Variants in AKAP6 observed in about 807,000 individuals in gnomAD.
AKAP6 encodes the protein A-kinase anchor protein 6.
In AKAP6, 58 loss-of-function variants were observed where a neutral mutation model predicts 188.5. The ratio of observed to expected loss-of-function variants is 0.31; its 90% CI spans 0.25 to 0.38. The LOEUF is 0.38. AKAP6 is among the 10% of genes least tolerant of loss of function. AKAP6 has a pLI of 1.00. For missense variants in AKAP6, 2,710 were observed against 2,740.0 expected, an observed-to-expected ratio of 0.99 and a Z score of 0.24; for synonymous variants, 989 against 998.6, an observed-to-expected ratio of 0.99 and a Z score of 0.18.
intron 2 of AKAP6, among the ~76,000 whole-genome samples, chr14:32,477,795 G>C (rs917904584): frequency 6.6e-6 from 1 of 152,140 alleles, no homozygotes; most frequent in Non-Finnish European, 1.5e-5. Flanking sequence ...CCAACTGTCT[G>C]GGTTCAGATT....
At chr14:32,448,108 T>C (rs1481140653) in intron 2 of AKAP6, among the ~76,000 whole-genome samples, 1 of 152,226 alleles carries the variant, frequency 6.6e-6, no homozygotes. Flanking sequence ...CAGTGGCAGC[T>C]TCTCTTTGTT....
At chr14:32,669,335 T>C (rs1889080429) in intron 7 of AKAP6, among the ~76,000 whole-genome samples, 1 of 152,202 alleles carries the variant, frequency 6.6e-6, no homozygotes, top group African/African-American at 2.4e-5. Context: ...CAACATGAGA[T>C]TCTCATTCAT....
At chr14:32,698,407 C>G (rs977095451) in intron 9 of AKAP6, among the ~76,000 whole-genome samples, 4 of 152,098 alleles carry the variant, frequency 2.6e-5, no homozygotes. Flanking sequence ...GTGCCCAGGC[C>G]TTGCCAGGTT....
chr14:32,382,405 T>A (rs756725385), intron 1 of AKAP6, among the ~76,000 whole-genome samples: 6 of 152,202 alleles, frequency 3.9e-5, no homozygotes, highest in Non-Finnish European at 7.3e-5. Context: ...ACACTGTCTT[T>A]GAGGCTTAGT....
intron 4 of AKAP6, among the ~76,000 whole-genome samples, chr14:32,574,904 T>A (rs1594754707): frequency 6.6e-6 from 1 of 152,262 alleles, no homozygotes; most frequent in Non-Finnish European, 1.5e-5. Context: ...ATTTTAATTA[T>A]GAGAGTATCG....
chr14:32,334,469 C>T (rs1179984399), intron 1 of AKAP6, among the ~76,000 whole-genome samples: 1 of 152,132 alleles, frequency 6.6e-6, no homozygotes, highest in African/African-American at 2.4e-5. Context: ...CTTTATTTTA[C>T]TTAATAATGA....
chr14:32,673,123 G>C (rs74041660), intron 7 of AKAP6, among the ~76,000 whole-genome samples: 5 of 152,276 alleles, frequency 3.3e-5, no homozygotes, highest in South Asian at 4.1e-4. Context: ...GAGTTACTCT[G>C]TCTATGAAGA....
At position 32,735,703 on chromosome 14, in the gene AKAP6, G is replaced by A; in HGVS notation, c.3193G>A (p.Gly1065Arg). The change falls in exon 11 of 14, where the codon GGG becomes AGG. Residue 1065 changes from glycine to arginine, a missense_variant. By Grantham distance (125) the Gly-to-Arg change is moderately radical. Coordinates refer to ENST00000280979, the MANE Select transcript of AKAP6 (RefSeq NM_004274.5). The stretch of plus-strand genomic sequence containing the variant: ...CCAGGACACAATGGCAGGGCACAGT[G>A]GGTCGAGTCCACGTGACCTGCTCTC... ...KIQDTMAGHS[G>R]SSPRDLLSPE... 6.2e-7 allele frequency: 1 copy of A among 1,613,358 alleles called. No homozygotes were observed. The highest frequency in any genetic ancestry group is 1.1e-5 in the South Asian group (1 of 91,048).
At chr14:32,426,891 TTAAG>T (rs1338080568) in intron 1 of AKAP6, among the ~76,000 whole-genome samples, 9 of 152,154 alleles carry the variant, frequency 5.9e-5, no homozygotes, top group African/African-American at 2.2e-4. Flanking sequence ...AGATGATTGA[TTAAG>T]TGTGTTATGG....
chr14:32,828,060 C>T (rs2034719360), intron 13 of AKAP6, among the ~76,000 whole-genome samples: 2 of 152,058 alleles, frequency 1.3e-5, no homozygotes, highest in South Asian at 4.1e-4. Context: ...AGCTTTATTG[C>T]CTTTTCTACT....
chr14:32,698,000 A>G (rs528413472), intron 9 of AKAP6, among the ~76,000 whole-genome samples: 1 of 152,290 alleles, frequency 6.6e-6, no homozygotes, highest in South Asian at 2.1e-4. Context: ...AGCTCTGCTC[A>G]TTAGACCAGC....
In AKAP6 at chr14:32,748,533, G is replaced by A. The variant is rs185641522; in HGVS notation, c.3372+12651G>A. On this transcript the variant is annotated intron_variant, in intron 11 of 13. Coordinates refer to ENST00000280979, the MANE Select transcript of AKAP6 (RefSeq NM_004274.5). The stretch of plus-strand genomic sequence containing the variant: ...TAACATTTAATAAAGCAGGGTTATA[G>A]TAAATAGATAAAGCAAATTCCTTGG... Among the ~76,000 whole-genome samples, 6 of 152,302 alleles carry A rather than the reference G, an allele frequency of 3.9e-5. No homozygotes were observed. In the East Asian group the frequency reaches 1.2e-3, roughly 29 times the overall value.
intron 2 of AKAP6, among the ~76,000 whole-genome samples, chr14:32,520,243 A>G (rs1309610209): frequency 6.6e-6 from 1 of 152,230 alleles, no homozygotes; most frequent in African/African-American, 2.4e-5. Flanking sequence ...AAGAGAAAGC[A>G]GGAAAGATCT....
chr14:32,701,105 T>C (rs1428533358), intron 9 of AKAP6, among the ~76,000 whole-genome samples: 4 of 152,182 alleles, frequency 2.6e-5, no homozygotes, highest in African/African-American at 9.6e-5. Context: ...GGACCATTCA[T>C]TTATATAATA....
intron 13 of AKAP6, among the ~76,000 whole-genome samples, chr14:32,829,039 T>C (rs569868425): frequency 1.3e-5 from 2 of 152,336 alleles, no homozygotes; most frequent in African/African-American, 4.8e-5. Context: ...AGCAAAAGCC[T>C]GCTTTCTTTG....
At chr14:32,732,741 A>C in intron 10 of AKAP6, 141 bp downstream of exon 10, 1 of 967,614 alleles carries the variant, frequency 1.0e-6, no homozygotes, top group East Asian at 2.5e-5. Flanking sequence ...TATTCATGCT[A>C]TTATGGGAAA....
chr14:32,753,279 T>C (rs1420447442), intron 11 of AKAP6, among the ~76,000 whole-genome samples: 1 of 152,190 alleles, frequency 6.6e-6, no homozygotes, highest in African/African-American at 2.4e-5. Context: ...TGCTTTAATT[T>C]GTATTTCTCT....
chr14:32,337,875 C>A (rs1886763732), intron 1 of AKAP6, among the ~76,000 whole-genome samples: 1 of 152,000 alleles, frequency 6.6e-6, no homozygotes, highest in Admixed American at 6.6e-5. Flanking sequence ...GAGAAACAGG[C>A]CTGGCATGGT....
At chr14:32,694,445 C>T (rs1185921328) in intron 8 of AKAP6, among the ~76,000 whole-genome samples, 1 of 151,974 alleles carries the variant, frequency 6.6e-6, no homozygotes, top group East Asian at 1.9e-4. Flanking sequence ...AAGCCCCACC[C>T]TAGAACAGTT....
Sources: allele counts gnomAD v4.1 joint callset (sites outside exome capture counted in the v4.1 genomes callset), GRCh38; gene constraint gnomAD v4.1.1; transcripts MANE v1.5; gene names NCBI Gene and HGNC (gene_info 2026-07-23, HGNC 2026-07-21).